The following PSMA6 variants were observed in gnomAD, a reference collection of about 807,000 sequenced individuals.
The protein encoded by PSMA6 is proteasome 20S subunit alpha 6.
For synonymous variants in PSMA6, 88 were observed against 97.7 expected, an observed-to-expected ratio of 0.90 and a Z score of 0.59; for missense variants, 170 against 294.8, an observed-to-expected ratio of 0.58 and a Z score of 3.10.
chr14:35,311,968 CAGA>C (rs1438658230), intron 4 of PSMA6, among the ~76,000 whole-genome samples: 1 of 152,058 alleles, frequency 6.6e-6, no homozygotes, highest in African/African-American at 2.4e-5. Context: ...GTCAAACAAA[CAGA>C]AGAACTACTG....
At chr14:35,290,267 G>A (rs548330192), upstream of PSMA6, among the ~76,000 whole-genome samples, 8 of 152,264 alleles carry the variant, frequency 5.3e-5, no homozygotes, top group South Asian at 6.2e-4. Flanking sequence ...CAGCCTTACC[G>A]AGAACTCTGA....
Position 35,283,002 on chromosome 14 carries a change from C to T in PSMA6, c.19+4284C>T, listed in dbSNP as rs146500027. ...GGACTACAGGCGTGCACCACCACACCCAGCTAATTTTTTGTATTTTTTAGT... is the reference window on the plus strand; with the variant it reads ...GGACTACAGGCGTGCACCACCACACTCAGCTAATTTTTTGTATTTTTTAGT... On this transcript the variant is annotated intron_variant, in intron 1 of 6. Coordinates refer to the PSMA6 transcript ENST00000540871. Among the ~76,000 whole-genome samples, 14 of 152,068 alleles carry T rather than the reference C, an allele frequency of 9.2e-5. No homozygotes were observed. In the East Asian group the frequency reaches 1.2e-3, roughly 13 times the overall value.
At chr14:35,293,743 T>C (rs1239682036) in intron 1 of PSMA6, among the ~76,000 whole-genome samples, 1 of 152,254 alleles carries the variant, frequency 6.6e-6, no homozygotes, top group Non-Finnish European at 1.5e-5. Context: ...AACTGTATCC[T>C]CAAAGAATTT....
At chr14:35,314,656 CTT>C in intron 6 of PSMA6, 1 of 506,588 alleles carries the variant, frequency 2.0e-6, no homozygotes, top group African/African-American at 2.0e-5. Context: ...AGCTTTTCTC[CTT>C]ATTTCAGAGT....
chr14:35,283,031 G>T (rs1486916951), intron 1 of PSMA6, among the ~76,000 whole-genome samples: 1 of 152,128 alleles, frequency 6.6e-6, no homozygotes, highest in East Asian at 2.0e-4. Context: ...TTTTAGTGGA[G>T]TCAGGGTTTC....
At chr14:35,306,212 G>C (rs2138741350) in intron 1 of PSMA6, among the ~76,000 whole-genome samples, 1 of 152,050 alleles carries the variant, frequency 6.6e-6, no homozygotes, top group Middle Eastern at 3.4e-3. Flanking sequence ...CTAGGCAACA[G>C]AGCAAGACCC....
chr14:35,307,858 C>A, intron 1 of PSMA6, 136 bp from the exon 2 acceptor site: 1 of 688,196 alleles, frequency 1.5e-6, no homozygotes, highest in Non-Finnish European at 2.4e-6. Context: ...ATTATTTTGA[C>A]TTTGCACATC....
At chr14:35,310,658 A>AAAATTGCCTGGCT in intron 3 of PSMA6, 82 bp from the exon 4 acceptor site, 2 of 1,454,758 alleles carry the variant, frequency 1.4e-6, no homozygotes, top group South Asian at 2.4e-5. Context: ...ATATGGTGGG[A>AAAATTGCCTGGCT]AAATTGCCTG....
At chr14:35,287,538 T>A (rs2051434616), upstream of PSMA6, among the ~76,000 whole-genome samples, 1 of 152,208 alleles carries the variant, frequency 6.6e-6, no homozygotes, top group Non-Finnish European at 1.5e-5. Flanking sequence ...TCTCTGGGAA[T>A]CTACACTGCC....
At chr14:35,303,593 T>C (rs192534585) in intron 1 of PSMA6, among the ~76,000 whole-genome samples, 1 of 152,296 alleles carries the variant, frequency 6.6e-6, no homozygotes, top group African/African-American at 2.4e-5. Flanking sequence ...AGGTAGTTGT[T>C]GTTTTGTTTA....
chr14:35,291,823 C>CAAAAAA (rs113987343), upstream of PSMA6, among the ~76,000 whole-genome samples: 2 of 47,726 alleles, frequency 4.2e-5, no homozygotes, highest in African/African-American at 1.4e-4. Context: ...AACTCTGTCT[C>CAAAAAA]AAAAAAAAAA....
intron 4 of PSMA6, chr14:35,312,631 AT>A (rs1321186214): frequency 4.7e-6 from 2 of 428,830 alleles, no homozygotes; most frequent in Non-Finnish European, 8.1e-6. Context: ...CTATTTTTAA[AT>A]TGTATTTGTA....
intron 5 of PSMA6, chr14:35,313,514 CAAAAA>C (rs942273138): frequency 6.6e-6 from 1 of 151,096 alleles, no homozygotes; most frequent in Non-Finnish European, 1.5e-5. Context: ...GATAAGTGAC[CAAAAA>C]AAAATTACCA....
At chr14:35,310,472 G>C (rs546765321) in intron 3 of PSMA6, among the ~76,000 whole-genome samples, 1 of 152,250 alleles carries the variant, frequency 6.6e-6, no homozygotes, top group African/African-American at 2.4e-5. Context: ...GGGAGTTACT[G>C]GATACTTGCA....
chr14:35,301,772 TA>T (rs2051718294), intron 1 of PSMA6, among the ~76,000 whole-genome samples: 1 of 152,188 alleles, frequency 6.6e-6, no homozygotes, highest in Non-Finnish European at 1.5e-5. Context: ...GACAAAAGTT[TA>T]TGTGGTAGGG....
chr14:35,293,798 A>G lies in PSMA6; in HGVS notation c.76+1246A>G, dbSNP rs185316480. On this transcript the variant is annotated intron_variant, in intron 1 of 6. Transcript: ENST00000261479. ...CCTGAGTTTTAAATAATTTTCGTAT[A>G]TTAGACTACTGCTTTCAGCGTTCCA... Among the ~76,000 whole-genome samples the G allele has an allele frequency of 4.7e-4, 71 of 152,338 alleles. No homozygotes were observed. In the East Asian group the frequency reaches 0.013, roughly 28 times the overall value.
chr14:35,310,589 G>A (rs1232869812), intron 3 of PSMA6, 151 bp from the exon 4 acceptor site: 2 of 707,410 alleles, frequency 2.8e-6, no homozygotes, highest in Non-Finnish European at 4.8e-6. Flanking sequence ...GAGTTATTTA[G>A]TATTCATTGG....
intron 5 of PSMA6, chr14:35,314,104 G>A (rs2051993952): frequency 4.8e-6 from 1 of 209,224 alleles, no homozygotes; most frequent in Non-Finnish European, 9.5e-6. Context: ...TAGTGCCTGG[G>A]TCATGAAGCC....
chr14:35,294,893 T>C (rs1029793404), intron 1 of PSMA6, among the ~76,000 whole-genome samples: 1 of 152,102 alleles, frequency 6.6e-6, no homozygotes, highest in African/African-American at 2.4e-5. Context: ...GTTGTTAACA[T>C]TGACAGTAGG....
Sources: gnomAD v4.1 joint callset for allele counts (sites outside exome capture counted in the v4.1 genomes callset) on GRCh38, gnomAD v4.1.1 for gene constraint, MANE v1.5 for transcripts, NCBI Gene and HGNC (gene_info 2026-07-23, HGNC 2026-07-21) for gene names.